The following DGKI variants were observed in gnomAD, a reference collection of about 807,000 sequenced individuals.
DGKI encodes the protein DAG kinase iota.
Under a neutral mutation model 147.5 loss-of-function variants are expected in DGKI, and 55 were observed. The observed-to-expected ratio is 0.37, with a 90% CI of 0.30 to 0.47. The LOEUF is 0.47. DGKI is among the 20% of genes least tolerant of loss of function. The pLI is 1.00. For synonymous variants in DGKI, 469 were observed against 477.1 expected, an observed-to-expected ratio of 0.98 and a Z score of 0.22; for missense variants, 1,007 against 1,323.8, an observed-to-expected ratio of 0.76 and a Z score of 3.71.
In DGKI at chr7:137,846,872, C is replaced by A; in HGVS notation, c.-10G>T. ...TTCCCGCAGCATCCATCCGCGGCTGCACCGCACCGGGGCATTGTGGGAAAC... is the reference window on the plus strand; with the variant it reads ...TTCCCGCAGCATCCATCCGCGGCTGAACCGCACCGGGGCATTGTGGGAAAC... On this transcript the variant is annotated 5_prime_UTR_variant, in exon 1 of 33. Coordinates refer to ENST00000614521, the MANE Select transcript of DGKI (RefSeq NM_001321708.2). The surrounding 1 kb of genome is among the most constrained non-coding windows in gnomAD (Gnocchi z 4.0). 1 of 1,159,648 alleles carries A rather than the reference C, an allele frequency of 8.6e-7. No individual in the cohort carries two copies. The allele number at this position is 1,159,648 out of a possible 1,614,324, so 71.8% of individuals were successfully genotyped here.
intron 1 of DGKI, among the ~76,000 whole-genome samples, chr7:137,705,190 G>A (rs546240080): frequency 1.2e-3 from 182 of 152,098 alleles, no homozygotes; most frequent in Non-Finnish European, 2.1e-3. Flanking sequence ...ACAACTATTA[G>A]ACAGTTTTTA....
chr7:137,596,210 G>A (rs1289340378), intron 12 of DGKI, among the ~76,000 whole-genome samples: 1 of 151,738 alleles, frequency 6.6e-6, no homozygotes, highest in East Asian at 1.9e-4. Context: ...GAAAGAGGAA[G>A]GACGACATCC....
chr7:137,816,359 C>T (rs1013738922), intron 1 of DGKI, among the ~76,000 whole-genome samples: 2 of 152,188 alleles, frequency 1.3e-5, no homozygotes, highest in African/African-American at 4.8e-5. Context: ...TGGAAATAAT[C>T]AGATACCTAC....
rs1299649835 is a variant in DGKI at position 137,606,306 on chromosome 7, A to AT, written c.1167+2659dup. 3.3e-5 allele frequency among the ~76,000 whole-genome samples: 5 copies of AT among 152,164 alleles called. No homozygotes were observed. In the South Asian group the frequency reaches 6.2e-4, roughly 19 times the overall value. ...ACTTAGAAGACTAAGCAAGTTAAAA[A>AT]TTTTTTAAAAAAAAAGAAAAAAAAA... On this transcript the variant is annotated intron_variant, in intron 10 of 32. Coordinates refer to ENST00000614521, the MANE Select transcript of DGKI (RefSeq NM_001321708.2).
At chr7:137,573,989 T>C (rs1818882663) in intron 17 of DGKI, among the ~76,000 whole-genome samples, 2 of 152,218 alleles carry the variant, frequency 1.3e-5, no homozygotes, top group South Asian at 4.1e-4. Context: ...TTGCTTTCCT[T>C]ATACCCTTAT....
At chr7:137,504,527 A>T (rs1816298471) in intron 21 of DGKI, among the ~76,000 whole-genome samples, 1 of 152,222 alleles carries the variant, frequency 6.6e-6, no homozygotes. Flanking sequence ...CACAGAATTA[A>T]AAAGTCAGAA....
At chr7:137,397,442 C>T (rs1466204352) in intron 30 of DGKI, 29 bp from the exon 31 acceptor site, 1 of 1,605,216 alleles carries the variant, frequency 6.2e-7, no homozygotes, top group Non-Finnish European at 8.5e-7. Flanking sequence ...AGATGACCGT[C>T]AAAAATAAGC....
At chr7:137,664,103 G>A (rs1322016209) in intron 3 of DGKI, among the ~76,000 whole-genome samples, 1 of 152,186 alleles carries the variant, frequency 6.6e-6, no homozygotes, top group East Asian at 1.9e-4. Flanking sequence ...GCGGCTGGGT[G>A]CAGTGATTCA....
rs144034964 is a variant in DGKI at position 137,594,421 on chromosome 7, G to A, written c.1311+3426C>T. Among the ~76,000 whole-genome samples, 387 of 152,220 alleles carry A rather than the reference G, an allele frequency of 2.5e-3. 2 individuals are homozygous for A. Among genetic ancestry groups the A allele is most frequent in the Middle Eastern group, 0.024 (7 of 294 alleles). Reference sequence around the variant, plus strand: ...CCTAAGAACTTTTTTCCAAAGTAATGCAAACTTTCTATACCTTAAATAATA... The same window carrying A: ...CCTAAGAACTTTTTTCCAAAGTAATACAAACTTTCTATACCTTAAATAATA... On this transcript the variant is annotated intron_variant, in intron 12 of 32. Coordinates refer to ENST00000614521, the MANE Select transcript of DGKI (RefSeq NM_001321708.2).
At chr7:137,611,857 C>A (rs886440261) in intron 8 of DGKI, among the ~76,000 whole-genome samples, 1 of 152,132 alleles carries the variant, frequency 6.6e-6, no homozygotes, top group Non-Finnish European at 1.5e-5. Flanking sequence ...ATTTACTGAG[C>A]CTCTCCTGAT....
chr7:137,445,070 T>C (rs1813662663), intron 27 of DGKI, among the ~76,000 whole-genome samples: 1 of 152,178 alleles, frequency 6.6e-6, no homozygotes, highest in African/African-American at 2.4e-5. Context: ...AGTTTGGCAA[T>C]AGAGCTGCCA....
chr7:137,475,677 C>T (rs1815146311), intron 23 of DGKI, among the ~76,000 whole-genome samples: 2 of 152,166 alleles, frequency 1.3e-5, no homozygotes, highest in African/African-American at 2.4e-5. Context: ...TGGACCATGT[C>T]GTTAAAGGGT....
rs73730640 is a variant in DGKI, at chr7:137,521,455, C to T, written c.2248+411G>A. ...ATAATATCTAGAAGTGCTGAATGTGCCTCTTTGCCACATCTCTGTGACGAA... is the reference window on the plus strand; with the variant it reads ...ATAATATCTAGAAGTGCTGAATGTGTCTCTTTGCCACATCTCTGTGACGAA... On this transcript the variant is annotated intron_variant, in intron 21 of 32. Coordinates refer to ENST00000614521, the MANE Select transcript of DGKI (RefSeq NM_001321708.2). 4.5e-3 allele frequency among the ~76,000 whole-genome samples: 686 copies of T among 152,170 alleles called. 7 individuals carry two copies. The highest frequency in any genetic ancestry group is 0.016 in the African/African-American group (653 of 41,532).
At chr7:137,521,794 A>C in intron 21 of DGKI, 72 bp downstream of exon 21, 1 of 1,138,022 alleles carries the variant, frequency 8.8e-7, no homozygotes, top group Non-Finnish European at 1.3e-6. Flanking sequence ...GAATCTACCC[A>C]TCAAACCAAG....
At position 137,846,811 on chromosome 7, in the gene DGKI, C is replaced by G. The variant is rs1798757686; in HGVS notation, c.52G>C (p.Gly18Arg). The change falls in exon 1 of 33, where the codon GGA (glycine) becomes CGA (arginine). Residue 18 changes from glycine to arginine, a missense_variant. Around this residue, in one of 5 missense-constraint regions of DGKI, gnomAD observed 137 missense variants for 114.4 expected, o/e 1.20. Coordinates refer to ENST00000614521, the MANE Select transcript of DGKI (RefSeq NM_001321708.2). The surrounding 1 kb of genome is among the most constrained non-coding windows in gnomAD (Gnocchi z 4.0). ...GCGGCTGCAGGAGCGCGGGCAGGTC[C>G]GCGCGCCGCTGGCAGGGGCAGCAAA... Reference protein sequence around the residue: ...CHLLPLPAARGPARAPAAAAA... With the variant: ...CHLLPLPAARRPARAPAAAAA... 8.8e-7 allele frequency: 1 copy of G among 1,141,758 alleles called. No individual in the cohort carries two copies. The highest frequency in any genetic ancestry group is 1.1e-6 in the Non-Finnish European group (1 of 930,360). The allele number at this position is 1,141,758 out of a possible 1,614,324, so 70.7% of individuals were successfully genotyped here.
intron 26 of DGKI, 51 bp downstream of exon 26, chr7:137,465,857 C>T (rs754712764): frequency 2.1e-5 from 33 of 1,584,004 alleles, no homozygotes; most frequent in Non-Finnish European, 2.7e-5. Context: ...GCGAACCAGA[C>T]ATGGATGTCA....
intron 21 of DGKI, among the ~76,000 whole-genome samples, chr7:137,515,033 A>C (rs953383060): frequency 4.6e-5 from 7 of 152,170 alleles, no homozygotes; most frequent in African/African-American, 1.7e-4. Flanking sequence ...ATCTCCATTC[A>C]ACTAAGCAGG....
chr7:137,635,043 G>A (rs916510206), intron 6 of DGKI, among the ~76,000 whole-genome samples: 9 of 152,180 alleles, frequency 5.9e-5, no homozygotes, highest in African/African-American at 1.9e-4. Flanking sequence ...ACATATGAAA[G>A]TAAGTACAAA....
chr7:137,740,072 A>G (rs1392942255), intron 1 of DGKI, among the ~76,000 whole-genome samples: 2 of 152,212 alleles, frequency 1.3e-5, no homozygotes, highest in Non-Finnish European at 2.9e-5. Context: ...TGTATTTCAC[A>G]ACAATTCAAA....
Sources: gnomAD v4.1 joint callset for allele counts (sites outside exome capture counted in the v4.1 genomes callset) on GRCh38, gnomAD v4.1.1 for gene constraint, gnomAD v4.1.1 regional missense constraint, Gnocchi (gnomAD v3.1) non-coding constraint, MANE v1.5 for transcripts, NCBI Gene and HGNC (gene_info 2026-07-23, HGNC 2026-07-21) for gene names.